The following ACP6 variants were observed in gnomAD, a reference collection of about 807,000 sequenced individuals.
The protein encoded by ACP6 is lysophosphatidic acid phosphatase type 6.
ACP6 carries 48 observed loss-of-function variants against 48.1 expected under a neutral mutation model. The ratio of observed to expected loss-of-function variants is 1.00; its 90% CI spans 0.79 to 1.27. The LOEUF (loss-of-function observed/expected upper bound fraction) is 1.27. ACP6 is among the 50% of genes most tolerant of loss of function. The pLI is 0.00. For missense variants in ACP6, 485 were observed against 529.1 expected, an observed-to-expected ratio of 0.92 and a Z score of 0.82; for synonymous variants, 172 against 204.2, an observed-to-expected ratio of 0.84 and a Z score of 1.34.
At chr1:147,657,023 G>A (rs782132390) in intron 4 of ACP6, among the ~76,000 whole-genome samples, 2 of 152,224 alleles carry the variant, frequency 1.3e-5, no homozygotes, top group African/African-American at 2.4e-5. Context: ...TTGAGCATCT[G>A]TAGATTTTGG....
chr1:147,659,279 C>T, intron 3 of ACP6, 117 bp downstream of exon 3: 2 of 1,413,618 alleles, frequency 1.4e-6, no homozygotes, highest in Non-Finnish European at 1.9e-6. Flanking sequence ...TGCAGCATGA[C>T]AAGTTGTCCC....
Position 147,650,183 on chromosome 1 carries a change from G to T in ACP6, c.937C>A (p.Leu313Met), listed in dbSNP as rs1553210238. 6.2e-7 allele frequency: 1 copy of T among 1,607,160 alleles called. No homozygotes were observed. The highest frequency in any genetic ancestry group is 8.5e-7 in the Non-Finnish European group (1 of 1,177,168). The change falls in exon 8 of 10, where the codon CTG becomes ATG. Residue 313 changes from leucine to methionine, a missense_variant. Leu to Met is a conservative substitution (Grantham distance 15, BLOSUM62 2). Transcript: ENST00000583509. The part of the protein sequence containing the change: ...PFLHILESNL[L>M]KAMDSATAPD... ...GCAGTGGCAGAGTCCATGGCTTTCAGCAGGTTGCTCTCTAGGATGTGGAGG... is the reference window on the plus strand; with the variant it reads ...GCAGTGGCAGAGTCCATGGCTTTCATCAGGTTGCTCTCTAGGATGTGGAGG...
intron 8 of ACP6, 48 bp downstream of exon 8, chr1:147,650,095 G>A (rs1553210216): frequency 6.5e-7 from 1 of 1,546,690 alleles, no homozygotes; most frequent in Non-Finnish European, 8.8e-7. Context: ...ACAGCCAGAA[G>A]TTCCCACGGC....
At chr1:147,630,212 C>G (rs1659126172) in exon 6 of ACP6, 1 of 152,222 alleles carries the variant, frequency 6.6e-6, no homozygotes. Context: ...CTGTGTGGCT[C>G]TGGGCGGCTG....
At chr1:147,654,385 G>A in intron 5 of ACP6, 59 bp from the exon 6 acceptor site, 14 of 1,585,106 alleles carry the variant, frequency 8.8e-6, no homozygotes, top group Middle Eastern at 1.7e-4. Context: ...TTTACAAAGT[G>A]TGCTTCACAC....
chr1:147,631,833 C>A (rs925368710), intron 5 of ACP6, among the ~76,000 whole-genome samples: 6,305 of 147,350 alleles, frequency 0.043, 261 homozygotes, highest in African/African-American at 0.11. Context: ...ACAACAACAA[C>A]AAAAAAAACA....
intron 6 of ACP6, 32 bp downstream of exon 6, chr1:147,654,162 A>G: frequency 1.2e-6 from 2 of 1,608,736 alleles, no homozygotes; most frequent in South Asian, 2.2e-5. Context: ...CACCAAGGCT[A>G]TTATCCCAGG....
At chr1:147,651,383 A>G (rs1553210498) in intron 7 of ACP6, 1 of 152,224 alleles carries the variant, frequency 6.6e-6, no homozygotes, top group Non-Finnish European at 1.5e-5. Context: ...TTACTGGCAC[A>G]CAGCCATGTC....
intron 1 of ACP6, 112 bp from the exon 2 acceptor site, chr1:147,659,887 G>T (rs1660458875): frequency 1.6e-6 from 2 of 1,286,356 alleles, no homozygotes; most frequent in Non-Finnish European, 2.1e-6. Context: ...CACTAGGCCT[G>T]CAACCTTCCT....
chr1:147,640,687 G>C (rs1659424195), downstream of ACP6, among the ~76,000 whole-genome samples: 1 of 152,160 alleles, frequency 6.6e-6, no homozygotes, highest in Admixed American at 6.5e-5. Flanking sequence ...ATGACTCCAA[G>C]ATCAGTGGTC....
Position 147,648,419 on chromosome 1 carries a change from A to G in ACP6, c.978-8T>C, listed in dbSNP as rs782008577. On this transcript the variant is annotated splice_polypyrimidine_tract_variant and splice_region_variant and intron_variant, in intron 8 of 9. Coordinates refer to ENST00000583509, the MANE Select transcript of ACP6 (RefSeq NM_016361.5). ...GCATAGAGATACAGCTTTCTGCAAG[A>G]GGAAACAGCTCTCCACAATTCTCTG... 2.5e-6 allele frequency: 4 copies of G among 1,614,068 alleles called. No homozygotes were observed. The Admixed American group carries it at 6.7e-5, about 27-fold the overall frequency.
chr1:147,651,935 A>T (rs1659944825), intron 7 of ACP6: 1 of 152,624 alleles, frequency 6.6e-6, no homozygotes, highest in African/African-American at 2.4e-5. Context: ...TAATATAGCG[A>T]AAACACAGAA....
chr1:147,657,768 G>A (rs929286323), intron 4 of ACP6, among the ~76,000 whole-genome samples: 2 of 152,198 alleles, frequency 1.3e-5, no homozygotes, highest in African/African-American at 4.8e-5. Flanking sequence ...AGGCATGGAA[G>A]TAGCTACAAA....
intron 5 of ACP6, among the ~76,000 whole-genome samples, 184 bp downstream of exon 5, chr1:147,654,977 T>C (rs1461289007): frequency 2.0e-5 from 3 of 152,224 alleles, no homozygotes; most frequent in Non-Finnish European, 2.9e-5. Flanking sequence ...GGGTCTGTCA[T>C]TGTGAACAAG....
intron 4 of ACP6, among the ~76,000 whole-genome samples, chr1:147,657,154 A>G (rs2148910092): frequency 6.6e-6 from 1 of 152,300 alleles, no homozygotes; most frequent in African/African-American, 2.4e-5. Flanking sequence ...TAATAATATT[A>G]TAAACCTCTA....
At chr1:147,657,053 T>C (rs1660294598) in intron 4 of ACP6, among the ~76,000 whole-genome samples, 2 of 152,096 alleles carry the variant, frequency 1.3e-5, no homozygotes, top group Admixed American at 6.6e-5. Flanking sequence ...GGGGAGAGGG[T>C]TGTCCTGGAA....
intron 1 of ACP6, among the ~76,000 whole-genome samples, chr1:147,665,973 T>C (rs1413727036): frequency 1.3e-5 from 2 of 152,132 alleles, no homozygotes; most frequent in Admixed American, 6.5e-5. Flanking sequence ...ATAAAGTAGA[T>C]ATAGCAAAAA....
chr1:147,668,165 G>A (rs1159745525), intron 1 of ACP6, among the ~76,000 whole-genome samples: 2 of 152,176 alleles, frequency 1.3e-5, no homozygotes, highest in African/African-American at 2.4e-5. Flanking sequence ...AGCCGAAGAC[G>A]TTTAAAGCAT....
intron 8 of ACP6, 121 bp from the exon 9 acceptor site, chr1:147,648,532 C>T (rs1659750833): frequency 2.8e-5 from 33 of 1,177,364 alleles, no homozygotes; most frequent in Non-Finnish European, 4.0e-5. Flanking sequence ...TAGAAATCAG[C>T]TGAGCCTGGT....
Sources: gnomAD v4.1 joint callset for allele counts (sites outside exome capture counted in the v4.1 genomes callset) on GRCh38, gnomAD v4.1.1 for gene constraint, MANE v1.5 for transcripts, NCBI Gene and HGNC (gene_info 2026-07-23, HGNC 2026-07-21) for gene names.